The following CDO1 variants were observed in gnomAD, a reference collection of about 807,000 sequenced individuals.
CDO1 encodes the protein cysteine dioxygenase, type I.
Under a neutral mutation model 24.5 loss-of-function variants are expected in CDO1, and 19 were observed. That is an observed-to-expected ratio of 0.77 (90% CI 0.54 to 1.14). The LOEUF is 1.14. CDO1 is among the 50% of genes most tolerant of loss of function. The probability of loss-of-function intolerance (pLI) is 0.00; values close to 1 mark genes in which losing one functional copy is unlikely to be tolerated. For synonymous variants in CDO1, 91 were observed against 87.0 expected (o/e 1.05, Z -0.26); for missense variants, 244 against 244.8 (o/e 1.00, Z 0.02).
chr5:115,811,171 G>A lies in CDO1; in HGVS notation c.393C>T (p.Ala131=). The change falls in exon 3 of 5, where the codon GCC becomes GCT. Residue 131 remains alanine (A), a synonymous_variant. Coordinates refer to ENST00000250535, the MANE Select transcript of CDO1 (RefSeq NM_001801.3). ...AGAATAAGATGTTACCATTGATGTA[G>A]GCACACTGGTTTTCCCTCAAGACTC... ...SERVLRENQC[A]YINDSIGLHR... is the part of the protein sequence containing the mutation. 1 of 1,613,330 alleles carries A rather than the reference G, an allele frequency of 6.2e-7. No individual in the cohort carries two copies. The highest frequency in any genetic ancestry group is 8.5e-7 in the Non-Finnish European group (1 of 1,179,474).
Position 115,811,291 on chromosome 5 carries a change from G to A in CDO1, c.273C>T (p.Ser91=). The A allele has an allele frequency of 2.5e-6, 4 of 1,613,122 alleles. No individual in the cohort carries two copies. The highest frequency in any genetic ancestry group is 2.5e-6 in the Non-Finnish European group (3 of 1,179,424). Reference sequence around the variant, plus strand: ...CCTGTAGCATCTTCAGAAAGCAGTGGGAGTTGGTATGATCATGAATACTGC... The same window carrying A: ...CCTGTAGCATCTTCAGAAAGCAGTGAGAGTTGGTATGATCATGAATACTGC... The part of the protein sequence containing the change: ...HGSSIHDHTN[S]HCFLKMLQGN... Residue 91 remains serine, a synonymous_variant, in exon 3 of 5, where the codon TCC becomes TCT. Coordinates refer to ENST00000250535, the MANE Select transcript of CDO1 (RefSeq NM_001801.3).
intron 1 of CDO1, chr5:115,814,182 C>T (rs1661012821): frequency 6.6e-6 from 1 of 152,160 alleles, no homozygotes. Context: ...CCCGAGGTGT[C>T]CGAAGAGCAT....
In CDO1 at chr5:115,816,517, A is replaced by T; in HGVS notation, c.-120T>A. The T allele has an allele frequency of 2.8e-6, 3 of 1,086,584 alleles. No individual in the cohort carries two copies. The highest frequency in any genetic ancestry group is 2.8e-5 in the South Asian group (2 of 70,634). 67.3% of individuals were successfully genotyped at this position (1,086,584 alleles called of 1,614,324 possible). A position where few individuals can be genotyped will look rare whatever the true frequency, so the allele number is the denominator to read the frequency against. ...CCGCTAGACCGCTAAGCAGACACAC[A>T]CGCACAAACCCAGCATTAGAGTGCC... On this transcript the variant is annotated 5_prime_UTR_variant, in exon 1 of 5. Coordinates refer to ENST00000250535, the MANE Select transcript of CDO1 (RefSeq NM_001801.3).
At chr5:115,811,389 G>T in intron 2 of CDO1, 74 bp from the exon 3 acceptor site, 1 of 1,083,624 alleles carries the variant, frequency 9.2e-7, no homozygotes. Flanking sequence ...AGTCTTCCCA[G>T]AACTGACACC....
rs778217943 is a variant in CDO1 at position 115,805,474 on chromosome 5, G to T, written c.574-12C>A. ...GAGCCCGAAGTTGCCTGTAAAAAAG[G>T]GAAAAAAAGAAAGCTGTGTAAGAAA... On this transcript the variant is annotated splice_polypyrimidine_tract_variant and intron_variant, in intron 4 of 4. Transcript: ENST00000250535. 2 of 1,612,564 alleles carry T rather than the reference G, an allele frequency of 1.2e-6. No individual in the cohort carries two copies. Among genetic ancestry groups the T allele is most frequent in the East Asian group, 4.5e-5 (2 of 44,852 alleles).
chr5:115,816,601 C>T lies in CDO1; in HGVS notation c.-204G>A. 1.7e-6 allele frequency: 1 copy of T among 588,034 alleles called. No homozygotes were observed. The highest frequency in any genetic ancestry group is 2.9e-5 in the East Asian group (1 of 34,456). The allele number at this position is 588,034 out of a possible 1,614,324, so 36.4% of individuals were successfully genotyped here. A position where few individuals can be genotyped will look rare whatever the true frequency, so the allele number is the denominator to read the frequency against. The stretch of plus-strand genomic sequence containing the variant: ...AGACCCACCCCCAGGCCCCTGGCAG[C>T]GCAGTGGATCCGGGATCGCTGGAGA... On this transcript the variant is annotated 5_prime_UTR_variant, in exon 1 of 5. Transcript: ENST00000250535.
intron 3 of CDO1, among the ~76,000 whole-genome samples, chr5:115,808,396 G>A (rs1183760216): frequency 6.6e-6 from 1 of 152,118 alleles, no homozygotes; most frequent in African/African-American, 2.4e-5. Flanking sequence ...TATCAATCAA[G>A]TTGTAGGAGT....
chr5:115,815,061 A>G (rs1427627658), intron 1 of CDO1, among the ~76,000 whole-genome samples: 1 of 152,180 alleles, frequency 6.6e-6, no homozygotes, highest in Non-Finnish European at 1.5e-5. Context: ...CACTTTTTCT[A>G]TTTCAAATCC....
intron 1 of CDO1, 39 bp downstream of exon 1, chr5:115,816,189 A>C: frequency 6.3e-7 from 1 of 1,586,464 alleles, no homozygotes; most frequent in East Asian, 2.3e-5. Context: ...AGACGGGGCG[A>C]GTGGGCGCCG....
At chr5:115,806,787 AT>A (rs1317016762) in intron 3 of CDO1, among the ~76,000 whole-genome samples, 1 of 152,228 alleles carries the variant, frequency 6.6e-6, no homozygotes, top group Non-Finnish European at 1.5e-5. Flanking sequence ...ACTAACAAAA[AT>A]TTGAAAGCTT....
chr5:115,813,296 T>C (rs1047082984), intron 1 of CDO1, 38 bp from the exon 2 acceptor site: 2 of 1,153,986 alleles, frequency 1.7e-6, no homozygotes. Flanking sequence ...TTTAAGTTCG[T>C]TGCTGAAACA....
Position 115,806,451 on chromosome 5 carries a change from G to A in CDO1, c.471C>T (p.Tyr157=). 1.2e-6 allele frequency: 2 copies of A among 1,611,950 alleles called. No homozygotes were observed. Among genetic ancestry groups the A allele is most frequent in the South Asian group, 2.2e-5 (2 of 90,608 alleles). The change falls in exon 4 of 5, where the codon TAC becomes TAT. Residue 157 remains tyrosine (Y), a synonymous_variant. Transcript: ENST00000250535. ...HTEPAVSLHL[Y]SPPFDTCHAF... is the part of the protein sequence containing the mutation. ...CATGGCATGTATCAAAAGGTGGACT[G>A]TACAAGTGAAGGCTCACAGCAGGTT...
intron 3 of CDO1, among the ~76,000 whole-genome samples, chr5:115,807,437 G>T (rs1355285038): frequency 6.6e-6 from 1 of 152,082 alleles, no homozygotes; most frequent in Non-Finnish European, 1.5e-5. Context: ...TTTGAGCAAG[G>T]CCTCTAGTAT....
At position 115,805,187 on chromosome 5, in the gene CDO1, G is replaced by A; in HGVS notation, c.*246C>T. On this transcript the variant is annotated 3_prime_UTR_variant, in exon 5 of 5. Transcript: ENST00000250535. The stretch of plus-strand genomic sequence containing the variant: ...TAATGGAATTAGAGGATAGAACTAT[G>A]AGAGCACTTGAAAACTTGCCTTTAA... The A allele has an allele frequency of 2.2e-6, 1 of 455,640 alleles. No homozygotes were observed. The highest frequency in any genetic ancestry group is 3.9e-6 in the Non-Finnish European group (1 of 258,512). 28.2% of individuals were successfully genotyped at this position (455,640 alleles called of 1,614,324 possible).
chr5:115,805,089 G>C lies in CDO1; in HGVS notation c.*344C>G, dbSNP rs1025185863. ...TTTGACGTTTCTGTTTTTACTTCTT[G>C]CTAATTACAGTTCAGAGACCAAAGT... On this transcript the variant is annotated 3_prime_UTR_variant, in exon 5 of 5. Coordinates refer to ENST00000250535, the MANE Select transcript of CDO1 (RefSeq NM_001801.3). The C allele has an allele frequency of 1.3e-5, 3 of 228,614 alleles. No homozygotes were observed. Among genetic ancestry groups the C allele is most frequent in the African/African-American group, 6.8e-5 (3 of 44,012 alleles). 14.2% of individuals were successfully genotyped at this position (228,614 alleles called of 1,614,324 possible). A position where few individuals can be genotyped will look rare whatever the true frequency, so the allele number is the denominator to read the frequency against.
In CDO1 at chr5:115,805,239, T is replaced by G; in HGVS notation, c.*194A>C. On this transcript the variant is annotated 3_prime_UTR_variant, in exon 5 of 5. Coordinates refer to ENST00000250535, the MANE Select transcript of CDO1 (RefSeq NM_001801.3). ...AATCACAAGACTTTCTTTTCCTCAG[T>G]GGGACTTTTCTTCTGCAGTAGCTGA... is the stretch of plus-strand genomic sequence containing the variant. 2.0e-6 allele frequency: 1 copy of G among 507,922 alleles called. No individual in the cohort carries two copies. The highest frequency in any genetic ancestry group is 3.5e-4 in the Middle Eastern group (1 of 2,822). 31.5% of individuals were successfully genotyped at this position (507,922 alleles called of 1,614,324 possible). A position where few individuals can be genotyped will look rare whatever the true frequency, so the allele number is the denominator to read the frequency against.
At position 115,808,903 on chromosome 5, in the gene CDO1, T is replaced by A. The variant is rs114045087; in HGVS notation, c.403+2258A>T. Among the ~76,000 whole-genome samples, 381 of 152,306 alleles carry A rather than the reference T, an allele frequency of 2.5e-3. 1 individual carries two copies. Among genetic ancestry groups the A allele is most frequent in the African/African-American group, 8.4e-3 (348 of 41,568 alleles). ...CTTCTTTATGATCTAGCTCCATGAG[T>A]GCACATCATAAAGAAGAATGAAGCA... On this transcript the variant is annotated intron_variant, in intron 3 of 4. Transcript: ENST00000250535.
At chr5:115,812,061 A>G (rs999713879) in intron 2 of CDO1, among the ~76,000 whole-genome samples, 2 of 152,148 alleles carry the variant, frequency 1.3e-5, no homozygotes, top group Non-Finnish European at 2.9e-5. Flanking sequence ...TTGGGTATTC[A>G]TTTCATCTAT....
intron 3 of CDO1, among the ~76,000 whole-genome samples, chr5:115,808,708 A>AACACAC (rs149765333): frequency 6.6e-6 from 1 of 151,050 alleles, no homozygotes; most frequent in African/African-American, 2.5e-5. Context: ...AAGAAGATTA[A>AACACAC]ACACACACAC....
Sources: allele counts gnomAD v4.1 joint callset (sites outside exome capture counted in the v4.1 genomes callset), GRCh38; gene constraint gnomAD v4.1.1; transcripts MANE v1.5; gene names NCBI Gene and HGNC (gene_info 2026-07-23, HGNC 2026-07-21).